The following PAPPA variants were observed in gnomAD, a reference collection of about 807,000 sequenced individuals.
PAPPA encodes the protein pappalysin-1.
In PAPPA, 60 loss-of-function variants were observed where a neutral mutation model predicts 164.0. The ratio of observed to expected loss-of-function variants is 0.37; its 90% CI spans 0.30 to 0.45. The LOEUF is 0.45. PAPPA is among the 20% of genes least tolerant of loss of function. The pLI, the probability that PAPPA is intolerant of heterozygous loss-of-function variation, is 1.00. For missense variants in PAPPA, 1,782 were observed against 2,087.3 expected, an observed-to-expected ratio of 0.85 and a Z score of 2.85; for synonymous variants, 875 against 814.1, an observed-to-expected ratio of 1.07 and a Z score of -1.27.
At chr9:116,211,550 G>C (rs1245248473) in intron 3 of PAPPA, 89 bp from the exon 4 acceptor site, 1 of 1,145,276 alleles carries the variant, frequency 8.7e-7, no homozygotes, top group Non-Finnish European at 1.3e-6. Flanking sequence ...ATTTTGGGCA[G>C]CATCTCTTTA....
At chr9:116,301,756 T>C (rs1446277316) in intron 9 of PAPPA, among the ~76,000 whole-genome samples, 1 of 152,144 alleles carries the variant, frequency 6.6e-6, no homozygotes, top group Non-Finnish European at 1.5e-5. Flanking sequence ...TAACTAAAAC[T>C]CCTAGGGTAT....
chr9:116,283,588 C>T (rs1178524445), intron 9 of PAPPA, among the ~76,000 whole-genome samples: 1 of 152,064 alleles, frequency 6.6e-6, no homozygotes, highest in Non-Finnish European at 1.5e-5. Flanking sequence ...CTTCAAGGGC[C>T]AACAAAATAC....
intron 10 of PAPPA, among the ~76,000 whole-genome samples, chr9:116,310,106 A>G (rs930424728): frequency 6.6e-6 from 1 of 152,212 alleles, no homozygotes; most frequent in Admixed American, 6.5e-5. Flanking sequence ...AATGCTAATT[A>G]GAGTGTGCTA....
intron 10 of PAPPA, among the ~76,000 whole-genome samples, chr9:116,303,156 A>G (rs941788340): frequency 5.9e-5 from 9 of 152,194 alleles, no homozygotes; most frequent in African/African-American, 2.2e-4. Flanking sequence ...ATGATAGGGT[A>G]ATGACTGTCC....
chr9:116,298,169 C>T (rs546002429), intron 9 of PAPPA, among the ~76,000 whole-genome samples: 1 of 152,284 alleles, frequency 6.6e-6, no homozygotes, highest in East Asian at 1.9e-4. Context: ...AAGTAGTGTC[C>T]TGCAGACATG....
At chr9:116,306,160 G>A (rs894168867) in intron 10 of PAPPA, among the ~76,000 whole-genome samples, 1 of 152,206 alleles carries the variant, frequency 6.6e-6, no homozygotes, top group African/African-American at 2.4e-5. Flanking sequence ...TATGTGCCTA[G>A]TTCTGTGCTA....
chr9:116,396,788 C>A lies in PAPPA; in HGVS notation c.*172C>A. On this transcript the variant is annotated 3_prime_UTR_variant, in exon 22 of 22. Coordinates refer to ENST00000328252, the MANE Select transcript of PAPPA (RefSeq NM_002581.5). ...AAGGACTCACATTGGGGCGAATGAACCAAGTTTCGCCATGCTGGATGATGA... is the reference window on the plus strand; with the variant it reads ...AAGGACTCACATTGGGGCGAATGAAACAAGTTTCGCCATGCTGGATGATGA... 2 of 589,466 alleles carry A rather than the reference C, an allele frequency of 3.4e-6. No homozygotes were observed. The highest frequency in any genetic ancestry group is 4.3e-5 in the South Asian group (2 of 46,856). The allele number at this position is 589,466 out of a possible 1,614,324, so 36.5% of individuals were successfully genotyped here.
chr9:116,208,930 C>T (rs1488691139), intron 3 of PAPPA, among the ~76,000 whole-genome samples: 1 of 151,790 alleles, frequency 6.6e-6, no homozygotes, highest in African/African-American at 2.4e-5. Flanking sequence ...ATTTTATGCC[C>T]CAGGAGACAT....
intron 21 of PAPPA, among the ~76,000 whole-genome samples, chr9:116,392,565 C>A (rs1287218177): frequency 6.6e-6 from 1 of 152,206 alleles, no homozygotes; most frequent in Non-Finnish European, 1.5e-5. Context: ...GAACAGGTGT[C>A]CCCAAGTCCT....
chr9:116,245,537 A>T lies in PAPPA; in HGVS notation c.2732+9900A>T, dbSNP rs990666753. Among the ~76,000 whole-genome samples the T allele has an allele frequency of 9.2e-5, 14 of 152,134 alleles. 1 individual carries two copies. Among genetic ancestry groups the T allele is most frequent in the Admixed American group, 7.2e-4 (11 of 15,274 alleles). On this transcript the variant is annotated intron_variant, in intron 7 of 21. Coordinates refer to ENST00000328252, the MANE Select transcript of PAPPA (RefSeq NM_002581.5). Reference sequence around the variant, plus strand: ...TTGCATAGAAAAGTGAATGAATTGGAGGTATGTTTTAAAGGTAGAACCAAC... The same window carrying T: ...TTGCATAGAAAAGTGAATGAATTGGTGGTATGTTTTAAAGGTAGAACCAAC...
intron 1 of PAPPA, among the ~76,000 whole-genome samples, chr9:116,181,255 A>G (rs1252220898): frequency 6.6e-6 from 1 of 152,084 alleles, no homozygotes; most frequent in Non-Finnish European, 1.5e-5. Flanking sequence ...ACAGAAATTT[A>G]TTTTCTTAAA....
At chr9:116,277,839 G>A (rs1355537120) in intron 9 of PAPPA, among the ~76,000 whole-genome samples, 2 of 152,048 alleles carry the variant, frequency 1.3e-5, no homozygotes, top group East Asian at 1.9e-4. Context: ...ACCACACCCA[G>A]CTACTTTTTG....
At position 116,235,209 on chromosome 9, in the gene PAPPA, A is replaced by C. The variant is rs369280174; in HGVS notation, c.2304A>C (p.Pro768=). Residue 768 remains proline, a synonymous_variant, in exon 7 of 22, where the codon CCA becomes CCC. Coordinates refer to ENST00000328252, the MANE Select transcript of PAPPA (RefSeq NM_002581.5). ...RTWSPNSAVN[P]HTVPPACPEP... ...GGAGCCCAAATTCAGCTGTCAACCC[A>C]CACACGGTTCCTCCAGCCTGCCCTG... The C allele has an allele frequency of 1.2e-6, 2 of 1,614,140 alleles. No homozygotes were observed. Among genetic ancestry groups the C allele is most frequent in the Non-Finnish European group, 1.7e-6 (2 of 1,180,010 alleles).
chr9:116,376,020 G>GA (rs1448197543), intron 19 of PAPPA, among the ~76,000 whole-genome samples: 1 of 101,992 alleles, frequency 9.8e-6, no homozygotes, highest in Non-Finnish European at 1.9e-5. Flanking sequence ...GAACTTCCAG[G>GA]ATTTTTTTTT....
Position 116,271,464 on chromosome 9 carries a change from C to A in PAPPA, c.2953+48C>A. 1.5e-6 allele frequency: 2 copies of A among 1,310,132 alleles called. No homozygotes were observed. The highest frequency in any genetic ancestry group is 2.2e-6 in the Non-Finnish European group (2 of 903,066). The allele number at this position is 1,310,132 out of a possible 1,614,324, so 81.2% of individuals were successfully genotyped here. On this transcript the variant is annotated intron_variant, in intron 9 of 21. Transcript: ENST00000328252. The surrounding 1 kb of genome is among the most constrained non-coding windows in gnomAD (Gnocchi z 4.2). The stretch of plus-strand genomic sequence containing the variant: ...GGCCTTCATGAAGAAATGAACGGTG[C>A]AGAATGGTTGGTCAATGATAATGCC...
chr9:116,228,087 A>C (rs1298740554), intron 6 of PAPPA, among the ~76,000 whole-genome samples: 15 of 152,202 alleles, frequency 9.9e-5, no homozygotes, highest in Admixed American at 9.8e-4. Flanking sequence ...GATTGCCACT[A>C]TTATGGGTTC....
chr9:116,342,257 T>C (rs1846147873), intron 13 of PAPPA, among the ~76,000 whole-genome samples: 1 of 152,200 alleles, frequency 6.6e-6, no homozygotes, highest in Non-Finnish European at 1.5e-5. Context: ...AACAGATGCA[T>C]TGTTTAGTGT....
chr9:116,289,281 GCATATAAATA>G (rs1845397005), intron 9 of PAPPA, among the ~76,000 whole-genome samples: 1 of 97,688 alleles, frequency 1.0e-5, no homozygotes, highest in African/African-American at 3.2e-5. Flanking sequence ...CATATATATA[GCATATAAATA>G]GCATATATAT....
At chr9:116,323,263 GTGGACAAGAGTCTCTGGGTCC>G (rs1448886811) in intron 10 of PAPPA, among the ~76,000 whole-genome samples, 2 of 152,314 alleles carry the variant, frequency 1.3e-5, no homozygotes, top group Admixed American at 6.5e-5. Flanking sequence ...AGTGCACTGA[GTGGACAAGAGTCTCTGGGTCC>G]TGGAGCCACA....
Sources: allele counts gnomAD v4.1 joint callset (sites outside exome capture counted in the v4.1 genomes callset), GRCh38; gene constraint gnomAD v4.1.1; non-coding constraint Gnocchi (gnomAD v3.1); transcripts MANE v1.5; gene names NCBI Gene and HGNC (gene_info 2026-07-23, HGNC 2026-07-21).